PRKG1: variants seen among roughly 807,000 people sequenced by gnomAD.
PRKG1 encodes protein kinase cGMP-dependent 1, also known as cGMP-dependent protein kinase 1.
Under a neutral mutation model 88.1 loss-of-function variants are expected in PRKG1, and 35 were observed. The observed-to-expected ratio is 0.40, with a 90% CI of 0.30 to 0.53. The LOEUF is 0.53. Ranked by LOEUF, PRKG1 falls within the 20% of genes least tolerant of loss-of-function variation. PRKG1 has a pLI of 0.59. For synonymous variants in PRKG1, 303 were observed against 292.5 expected, an observed-to-expected ratio of 1.04 and a Z score of -0.37; for missense variants, 540 against 839.8, an observed-to-expected ratio of 0.64 and a Z score of 4.41.
intron 4 of PRKG1, among the ~76,000 whole-genome samples, chr10:51,869,676 A>G (rs1241305344): frequency 1.3e-5 from 2 of 152,188 alleles, no homozygotes; most frequent in East Asian, 1.9e-4. Flanking sequence ...GCATACTTAT[A>G]TAGTCTGACT....
intron 3 of PRKG1, among the ~76,000 whole-genome samples, chr10:51,684,212 T>A (rs184471848): frequency 0.16 from 24,204 of 152,052 alleles, 2,235 homozygotes; most frequent in Non-Finnish European, 0.22. Flanking sequence ...TAAATTTTTT[T>A]TAAAAATTAT....
At chr10:52,127,655 T>C (rs374189947) in intron 7 of PRKG1, among the ~76,000 whole-genome samples, 8 of 152,278 alleles carry the variant, frequency 5.3e-5, no homozygotes, top group African/African-American at 1.9e-4. Context: ...TGCTTCCCCA[T>C]GTCAGAGGGT....
chr10:51,930,482 C>CT (rs902438171), intron 5 of PRKG1, among the ~76,000 whole-genome samples: 40 of 127,986 alleles, frequency 3.1e-4, no homozygotes, highest in Admixed American at 2.4e-3. Context: ...TTAAAAGAAC[C>CT]TTTTTTTTTC....
At chr10:51,723,206 A>G (rs1842054434) in intron 3 of PRKG1, among the ~76,000 whole-genome samples, 1 of 152,236 alleles carries the variant, frequency 6.6e-6, no homozygotes, top group African/African-American at 2.4e-5. Context: ...CACAATAAGA[A>G]AGACTTGGAA....
intron 2 of PRKG1, among the ~76,000 whole-genome samples, chr10:51,352,044 A>G (rs1842260047): frequency 6.6e-6 from 1 of 152,194 alleles, no homozygotes; most frequent in Non-Finnish European, 1.5e-5. Flanking sequence ...GTCAAAGATC[A>G]GATGGTTGTA....
At chr10:51,854,808 C>T (rs754848075) in intron 4 of PRKG1, among the ~76,000 whole-genome samples, 38 of 152,014 alleles carry the variant, frequency 2.5e-4, no homozygotes, top group Admixed American at 7.9e-4. Context: ...TTTGGTACAA[C>T]GAGTTTATAA....
At chr10:51,234,294 C>T (rs986450849) in intron 2 of PRKG1, among the ~76,000 whole-genome samples, 1 of 152,104 alleles carries the variant, frequency 6.6e-6, no homozygotes, top group African/African-American at 2.4e-5. Flanking sequence ...CCACTCCTCA[C>T]CTTTAACTAA....
At chr10:51,333,541 G>T (rs1208678306) in intron 2 of PRKG1, among the ~76,000 whole-genome samples, 4 of 152,196 alleles carry the variant, frequency 2.6e-5, no homozygotes, top group Admixed American at 1.3e-4. Context: ...AGAGAAAAAA[G>T]CTTAGCACAT....
At chr10:51,413,245 TC>T (rs1245055474) in intron 2 of PRKG1, among the ~76,000 whole-genome samples, 3 of 152,228 alleles carry the variant, frequency 2.0e-5, no homozygotes, top group African/African-American at 7.2e-5. Flanking sequence ...GTTATTTCTT[TC>T]TTTTTAAAAT....
chr10:51,966,348 C>G (rs1055357368), intron 5 of PRKG1, among the ~76,000 whole-genome samples: 3 of 152,104 alleles, frequency 2.0e-5, no homozygotes, highest in Non-Finnish European at 4.4e-5. Flanking sequence ...ATTCCTTTCT[C>G]TGTGGCCTGT....
intron 4 of PRKG1, among the ~76,000 whole-genome samples, chr10:51,821,870 C>T (rs907382811): frequency 1.3e-5 from 2 of 151,994 alleles, no homozygotes; most frequent in African/African-American, 4.8e-5. Context: ...TAAATTGTTA[C>T]AGTCATTATG....
intron 1 of PRKG1, among the ~76,000 whole-genome samples, chr10:51,146,983 G>C (rs1388477179): frequency 6.6e-6 from 1 of 152,144 alleles, no homozygotes; most frequent in Non-Finnish European, 1.5e-5. Context: ...ATGAAATCCT[G>C]TCATTTGTAG....
chr10:51,067,396 A>C (rs960953480), intron 1 of PRKG1, among the ~76,000 whole-genome samples: 3 of 151,980 alleles, frequency 2.0e-5, no homozygotes, highest in African/African-American at 7.2e-5. Flanking sequence ...GTGACTGCTG[A>C]GAGAATATTA....
At chr10:52,121,153 C>T (rs767567002) in intron 7 of PRKG1, among the ~76,000 whole-genome samples, 4 of 152,074 alleles carry the variant, frequency 2.6e-5, no homozygotes, top group Admixed American at 1.3e-4. Flanking sequence ...ACAGAGGTGT[C>T]CTGCCCTGGA....
At chr10:52,056,510 G>A (rs1451210112) in intron 6 of PRKG1, among the ~76,000 whole-genome samples, 1 of 152,032 alleles carries the variant, frequency 6.6e-6, no homozygotes, top group Non-Finnish European at 1.5e-5. Flanking sequence ...GCCTTTTTAC[G>A]AGTTTCATAG....
chr10:51,961,904 A>T (rs1479263399), intron 5 of PRKG1, among the ~76,000 whole-genome samples: 1 of 152,206 alleles, frequency 6.6e-6, no homozygotes, highest in East Asian at 1.9e-4. Context: ...TGTGATATCC[A>T]CGTCAGGAAA....
At chr10:51,669,906 A>C (rs1589178969) in intron 3 of PRKG1, among the ~76,000 whole-genome samples, 1 of 152,302 alleles carries the variant, frequency 6.6e-6, no homozygotes, top group East Asian at 1.9e-4. Flanking sequence ...AATTATGCTA[A>C]GTTTTTATAT....
intron 3 of PRKG1, chr10:51,699,012 T>G (rs1302826198): frequency 6.2e-7 from 1 of 1,614,132 alleles, no homozygotes; most frequent in African/African-American, 1.3e-5. Context: ...TCCATGATTC[T>G]CATCACTACT....
At chr10:51,545,854 A>G (rs1354182963) in intron 3 of PRKG1, among the ~76,000 whole-genome samples, 2 of 152,060 alleles carry the variant, frequency 1.3e-5, no homozygotes, top group South Asian at 2.1e-4. Flanking sequence ...CCAAGTCACC[A>G]GAAGATTTCA....
Sources: gnomAD v4.1 joint callset for allele counts (sites outside exome capture counted in the v4.1 genomes callset) on GRCh38, gnomAD v4.1.1 for gene constraint, MANE v1.5 for transcripts, NCBI Gene and HGNC (gene_info 2026-07-23, HGNC 2026-07-21) for gene names.